Variants in KIF19 observed in about 807,000 individuals in gnomAD.
The protein encoded by KIF19 is kinesin family member 19.
Under a neutral mutation model 106.6 loss-of-function variants are expected in KIF19, and 98 were observed. The ratio of observed to expected loss-of-function variants is 0.92; its 90% CI spans 0.78 to 1.09. The LOEUF (loss-of-function observed/expected upper bound fraction) is 1.09. Ranked by LOEUF, KIF19 falls within the 50% of genes least tolerant of loss-of-function variation. KIF19 has a pLI of 0.00. For missense variants in KIF19, 1,373 were observed against 1,414.3 expected, an observed-to-expected ratio of 0.97 and a Z score of 0.47; for synonymous variants, 516 against 584.2, an observed-to-expected ratio of 0.88 and a Z score of 1.68.
In KIF19 at chr17:74,350,909, T is replaced by C. The variant is rs2054683735; in HGVS notation, c.1587+4T>C. 2 of 1,613,200 alleles carry C rather than the reference T, an allele frequency of 1.2e-6. No individual in the cohort carries two copies. Among genetic ancestry groups the C allele is most frequent in the Non-Finnish European group, 1.7e-6 (2 of 1,179,834 alleles). On this transcript the variant is annotated splice_donor_region_variant and intron_variant, in intron 12 of 19. Transcript: ENST00000389916. ...GAAGCAACTGCGCAAGCAGAAGGTG[T>C]CCAGGGTTTGGGGGGACAAGGAGAG...
At chr17:74,355,154 A>C (rs1280517716) in intron 19 of KIF19, 28 bp from the exon 20 acceptor site, 1 of 1,568,692 alleles carries the variant, frequency 6.4e-7, no homozygotes, top group Admixed American at 1.8e-5. Context: ...TTCCGAAACC[A>C]CTGATCCTGC....
intron 16 of KIF19, 76 bp from the exon 17 acceptor site, chr17:74,353,418 G>A (rs528059505): frequency 1.8e-5 from 26 of 1,468,284 alleles, no homozygotes; most frequent in African/African-American, 7.0e-5. Flanking sequence ...TTGAGGCCCC[G>A]CTGTCTCTGC....
intron 19 of KIF19, 22 bp from the exon 20 acceptor site, chr17:74,355,160 C>T: frequency 6.3e-7 from 1 of 1,577,348 alleles, no homozygotes; most frequent in Non-Finnish European, 8.6e-7. Flanking sequence ...AACCACTGAT[C>T]CTGCCCCTTT....
chr17:74,353,824 G>A (rs1170576553), intron 17 of KIF19, among the ~76,000 whole-genome samples: 2 of 152,190 alleles, frequency 1.3e-5, no homozygotes, highest in African/African-American at 2.4e-5. Context: ...AAAGAGACAT[G>A]TGGCATGGAG....
At position 74,352,358 on chromosome 17, in the gene KIF19, C is replaced by T. The variant is rs767481627; in HGVS notation, c.1980+18C>T. On this transcript the variant is annotated intron_variant, in intron 14 of 19. Coordinates refer to ENST00000389916, the MANE Select transcript of KIF19 (RefSeq NM_153209.4). ...CCCTGCAGGTGGGTGGGCGCCTGGG[C>T]GGCCTGAACATGGGCACATGTGCCC... is the stretch of plus-strand genomic sequence containing the variant. 10 of 1,596,314 alleles carry T rather than the reference C, an allele frequency of 6.3e-6. No individual in the cohort carries two copies. Among genetic ancestry groups the T allele is most frequent in the Admixed American group, 5.3e-5 (3 of 56,868 alleles).
At chr17:74,350,256 AG>A in intron 10 of KIF19, 144 bp from the exon 11 acceptor site, 1 of 715,770 alleles carries the variant, frequency 1.4e-6, no homozygotes, top group South Asian at 1.9e-5. Context: ...GTAGTAATCT[AG>A]GGGGTCTTCC....
chr17:74,328,026 C>A (rs1051433733), intron 1 of KIF19, among the ~76,000 whole-genome samples: 2 of 152,238 alleles, frequency 1.3e-5, no homozygotes, highest in Non-Finnish European at 2.9e-5. Context: ...CTCCATCCCA[C>A]CTACCAGGCC....
intron 5 of KIF19, 39 bp downstream of exon 5, chr17:74,343,199 C>T (rs763541480): frequency 6.2e-7 from 1 of 1,603,128 alleles, no homozygotes; most frequent in Admixed American, 1.7e-5. Context: ...GGCTGGCCTC[C>T]CTCCCTGGGG....
intron 6 of KIF19, among the ~76,000 whole-genome samples, 190 bp downstream of exon 6, chr17:74,344,538 G>T (rs900869914): frequency 8.5e-5 from 13 of 152,214 alleles, no homozygotes; most frequent in Non-Finnish European, 1.6e-4. Context: ...GACCCTGGGA[G>T]AGTAACCAGG....
At chr17:74,338,697 G>C (rs927625027) in intron 2 of KIF19, among the ~76,000 whole-genome samples, 4 of 151,908 alleles carry the variant, frequency 2.6e-5, no homozygotes, top group African/African-American at 9.7e-5. Flanking sequence ...GTTTGACCCA[G>C]GGCACACGTA....
rs763308420 is a variant in KIF19 at position 74,344,896 on chromosome 17, G to C, written c.718G>C (p.Glu240Gln). ...QRSRVKNILQ[E>Q]VRQGRLFMID... ...CAGCCGGGTCAAGAACATCTTGCAG[G>C]AGGTGCGGCAGGGCCGCCTGTTCAT... The change falls in exon 7 of 20, where the codon GAG becomes CAG. Residue 240 changes from glutamate to glutamine, a missense_variant. Transcript: ENST00000389916. The C allele has an allele frequency of 3.1e-6, 5 of 1,612,414 alleles. No individual in the cohort carries two copies. In the East Asian group the frequency reaches 1.1e-4, roughly 36 times the overall value.
At chr17:74,349,833 C>T (rs1387478915) in intron 10 of KIF19, among the ~76,000 whole-genome samples, 3 of 149,246 alleles carry the variant, frequency 2.0e-5, no homozygotes, top group African/African-American at 5.0e-5. Flanking sequence ...GAGTCTTGCT[C>T]TGTTGCCCAG....
chr17:74,352,341 G>A lies in KIF19; in HGVS notation c.1980+1G>A. 1 of 1,605,034 alleles carries A rather than the reference G, an allele frequency of 6.2e-7. No homozygotes were observed. On this transcript the variant is annotated splice_donor_variant, in intron 14 of 19. Coordinates refer to ENST00000389916, the MANE Select transcript of KIF19 (RefSeq NM_153209.4). LOFTEE classifies it high-confidence loss of function. ...CCAAGTGGCCTCCAGGGCCCTGCAG[G>A]TGGGTGGGCGCCTGGGCGGCCTGAA...
chr17:74,352,143 G>C lies in KIF19; in HGVS notation c.1858+6G>C, dbSNP rs374142292. On this transcript the variant is annotated splice_donor_region_variant and intron_variant, in intron 13 of 19. Coordinates refer to ENST00000389916, the MANE Select transcript of KIF19 (RefSeq NM_153209.4). ...CCAGCGGCAGATCATCGACGGTAGG[G>C]CCCACGCCCCCGCGCATCTGAGCCA... The C allele has an allele frequency of 3.8e-6, 6 of 1,583,658 alleles. No individual in the cohort carries two copies. In the African/African-American group the frequency reaches 5.4e-5, roughly 14 times the overall value.
Position 74,336,799 on chromosome 17 carries a change from A to G in KIF19, c.121-5077A>G, listed in dbSNP as rs534725964. Among the ~76,000 whole-genome samples, 4 of 152,232 alleles carry G rather than the reference A, an allele frequency of 2.6e-5. No homozygotes were observed. The South Asian group carries it at 8.3e-4, about 32-fold the overall frequency. ...ATTCCTCATCTCCAGGCAAGTGATA[A>G]TAAGAGTGCCCTCTCTTTTTTTATT... On this transcript the variant is annotated intron_variant, in intron 2 of 19. Coordinates refer to ENST00000389916, the MANE Select transcript of KIF19 (RefSeq NM_153209.4).
intron 2 of KIF19, among the ~76,000 whole-genome samples, chr17:74,340,278 C>T (rs960195277): frequency 2.6e-5 from 4 of 152,178 alleles, no homozygotes; most frequent in Non-Finnish European, 5.9e-5. Context: ...TGAATGTCTC[C>T]CGTCATTTCC....
chr17:74,352,675 C>G, intron 14 of KIF19, 146 bp from the exon 15 acceptor site: 1 of 1,012,794 alleles, frequency 9.9e-7, no homozygotes, highest in Non-Finnish European at 1.5e-6. Flanking sequence ...AGCTTAACCC[C>G]GAGGACCCAA....
intron 2 of KIF19, among the ~76,000 whole-genome samples, chr17:74,332,086 G>C (rs956478979): frequency 1.3e-5 from 2 of 151,988 alleles, no homozygotes; most frequent in African/African-American, 4.8e-5. Context: ...GGATGGCTTC[G>C]GGTCCCAGAG....
chr17:74,344,605 G>C (rs113420154), intron 6 of KIF19, among the ~76,000 whole-genome samples, 156 bp from the exon 7 acceptor site: 56 of 152,304 alleles, frequency 3.7e-4, no homozygotes, highest in African/African-American at 1.3e-3. Flanking sequence ...CGAGGCCCAC[G>C]CCAGGCCTCT....
Sources: allele counts gnomAD v4.1 joint callset (sites outside exome capture counted in the v4.1 genomes callset), GRCh38; gene constraint gnomAD v4.1.1; transcripts MANE v1.5; gene names NCBI Gene and HGNC (gene_info 2026-07-23, HGNC 2026-07-21).